PPP4R3B: variants seen among roughly 807,000 people sequenced by gnomAD.
PPP4R3B encodes the protein protein phosphatase 4 regulatory subunit 3B, also known as serine/threonine-protein phosphatase 4 regulatory subunit 3B.
PPP4R3B carries 52 observed loss-of-function variants against 95.4 expected under a neutral mutation model. That is an observed-to-expected ratio of 0.54 (90% CI 0.44 to 0.69). The LOEUF (loss-of-function observed/expected upper bound fraction) is 0.69. Among genes scored for constraint, PPP4R3B ranks in the 30% least tolerant of loss-of-function variants. The probability of loss-of-function intolerance (pLI) is 0.00; values close to 1 mark genes in which losing one functional copy is unlikely to be tolerated. For synonymous variants in PPP4R3B, 407 were observed against 343.9 expected (o/e 1.18, Z -2.03); for missense variants, 1,003 against 1,005.9 (o/e 1.00, Z 0.04).
At chr2:55,575,540 G>A (rs1018582520) in intron 11 of PPP4R3B, among the ~76,000 whole-genome samples, 17 of 151,962 alleles carry the variant, frequency 1.1e-4, no homozygotes, top group Admixed American at 1.0e-3. Context: ...CAACCTCCCA[G>A]ACTCAAGTGA....
intron 14 of PPP4R3B, among the ~76,000 whole-genome samples, 168 bp downstream of exon 14, chr2:55,564,734 A>C (rs1687067214): frequency 6.6e-6 from 1 of 152,180 alleles, no homozygotes; most frequent in African/African-American, 2.4e-5. Context: ...TAGTAATTCA[A>C]CATATAAATG....
intron 13 of PPP4R3B, chr2:55,565,767 A>G (rs567581355): frequency 1.5e-5 from 3 of 206,752 alleles, no homozygotes; most frequent in Non-Finnish European, 2.1e-5. Flanking sequence ...TCTGCCACAT[A>G]TATCATATAG....
chr2:55,564,485 T>C lies in PPP4R3B; in HGVS notation c.2088A>G (p.Ile696Met), dbSNP rs1276668001. The part of the protein sequence containing the change: ...QNQKLNSVPS[I>M]LRSNRFRRDA... ...CTCTGCGAAATCTGTTACTACGCAA[T>C]ATAGATGGTACACTGTAAGAAATAT... The change falls in exon 15 of 17, where the codon ATA becomes ATG. Residue 696 changes from isoleucine (I) to methionine (M), a missense_variant. Ile to Met is a conservative substitution (Grantham distance 10, BLOSUM62 1). Transcript: ENST00000616407. 2 of 1,608,164 alleles carry C rather than the reference T, an allele frequency of 1.2e-6. No homozygotes were observed. Among genetic ancestry groups the C allele is most frequent in the Non-Finnish European group, 1.7e-6 (2 of 1,178,320 alleles).
chr2:55,573,718 C>G lies in PPP4R3B; in HGVS notation c.1666G>C (p.Glu556Gln). The change falls in exon 12 of 17, where the codon GAA becomes CAA. Residue 556 changes from glutamate (E) to glutamine (Q), a missense_variant. Physicochemically the swap from Glu to Gln is conservative, Grantham distance 29. Coordinates refer to ENST00000616407, the MANE Select transcript of PPP4R3B (RefSeq NM_001122964.3). ...LILELLTFCV[E>Q]HHTYHIKNYI... is the part of the protein sequence containing the mutation. ...TTTTTTATGTGATATGTGTGATGTTCCACACAAAATGTGAGTAACTCTAAA... is the reference window on the plus strand; with the variant it reads ...TTTTTTATGTGATATGTGTGATGTTGCACACAAAATGTGAGTAACTCTAAA... 6.5e-7 allele frequency: 1 copy of G among 1,543,446 alleles called. No homozygotes were observed. Among genetic ancestry groups the G allele is most frequent in the African/African-American group, 1.4e-5 (1 of 72,634 alleles).
intron 4 of PPP4R3B, among the ~76,000 whole-genome samples, chr2:55,589,679 G>C (rs923012296): frequency 1.3e-5 from 2 of 151,924 alleles, no homozygotes; most frequent in Non-Finnish European, 2.9e-5. Flanking sequence ...ACTTTGGAAG[G>C]CCGAGGCGGG....
chr2:55,584,523 A>C (rs181708527), intron 7 of PPP4R3B, among the ~76,000 whole-genome samples: 1 of 152,192 alleles, frequency 6.6e-6, no homozygotes, highest in Non-Finnish European at 1.5e-5. Flanking sequence ...CAAGTCCCCA[A>C]AGTCCATTGT....
rs1558993740 is a variant in PPP4R3B, at chr2:55,581,676, A to T, written c.1256T>A (p.Val419Glu). Residue 419 changes from valine to glutamate, a missense_variant, in exon 8 of 17, where the codon GTA becomes GAA. By Grantham distance (121) the Val-to-Glu change is moderately radical. This residue lies in a region of PPP4R3B where 695 missense variants were observed against 686.2 expected (regional missense o/e 1.01). Transcript: ENST00000616407. ...SDDDILLINV[V>E]IEQMICDTDP... ...AGTATCACAGATCATTTGTTCAATT[A>T]CCACATTAATAAGAAGAATATCCTG... The T allele has an allele frequency of 6.2e-7, 1 of 1,613,170 alleles. No individual in the cohort carries two copies. The highest frequency in any genetic ancestry group is 1.7e-4 in the Middle Eastern group (1 of 6,058).
intron 14 of PPP4R3B, 139 bp from the exon 15 acceptor site, chr2:55,564,636 T>G (rs1427472634): frequency 1.2e-6 from 1 of 804,312 alleles, no homozygotes; most frequent in African/African-American, 1.8e-5. Flanking sequence ...ATCTCTGTAA[T>G]GATAGAAGAT....
intron 2 of PPP4R3B, among the ~76,000 whole-genome samples, chr2:55,604,990 C>G (rs1399658496): frequency 6.6e-6 from 1 of 152,014 alleles, no homozygotes; most frequent in Non-Finnish European, 1.5e-5. Context: ...CAGGTGCACA[C>G]ACCACGCCAC....
Position 55,589,967 on chromosome 2 carries a change from AT to A in PPP4R3B, c.922-1012del, listed in dbSNP as rs1381057033. ...AAAAAATATATATAATTATATATAT[AT>A]TTATATATATATTTAATATATTATA... On this transcript the variant is annotated intron_variant, in intron 4 of 16. Coordinates refer to ENST00000616407, the MANE Select transcript of PPP4R3B (RefSeq NM_001122964.3). Among the ~76,000 whole-genome samples the A allele has an allele frequency of 2.3e-3, 331 of 142,974 alleles. 2 individuals are homozygous for A. Among genetic ancestry groups the A allele is most frequent in the Admixed American group, 6.8e-3 (96 of 14,018 alleles). The allele number at this position is 142,974 out of a possible 152,430, so 93.8% of individuals were successfully genotyped here.
At chr2:55,612,067 T>C (rs75939117) in intron 2 of PPP4R3B, among the ~76,000 whole-genome samples, 3 of 152,150 alleles carry the variant, frequency 2.0e-5, no homozygotes, top group Admixed American at 6.6e-5. Flanking sequence ...AAATGGCCTA[T>C]AAACATCTCA....
At chr2:55,613,349 G>A (rs1694447907) in intron 2 of PPP4R3B, among the ~76,000 whole-genome samples, 1 of 138,340 alleles carries the variant, frequency 7.2e-6, no homozygotes. Flanking sequence ...TGAATGTTAT[G>A]TTGCCAAAAA....
At chr2:55,582,457 G>C (rs1689571814) in intron 7 of PPP4R3B, among the ~76,000 whole-genome samples, 2 of 152,068 alleles carry the variant, frequency 1.3e-5, no homozygotes, top group Admixed American at 1.3e-4. Context: ...CTGATTCTAA[G>C]CTGGCATCTC....
chr2:55,569,005 G>C (rs556792231), intron 12 of PPP4R3B, among the ~76,000 whole-genome samples: 1 of 152,264 alleles, frequency 6.6e-6, no homozygotes, highest in African/African-American at 2.4e-5. Flanking sequence ...AGTTATACTA[G>C]ATATAGATCT....
intron 14 of PPP4R3B, 94 bp from the exon 15 acceptor site, chr2:55,564,591 A>G: frequency 2.7e-6 from 3 of 1,117,180 alleles, no homozygotes; most frequent in South Asian, 3.4e-5. Context: ...GATGAACTGA[A>G]GTAATTTTAA....
chr2:55,570,871 G>A lies in PPP4R3B; in HGVS notation c.1766-2508C>T, dbSNP rs535711483. Reference sequence around the variant, plus strand: ...GGATAAGAAATGGTTTACTTAAGATGCAAAAGACTGAAGCACTGGCAAGTT... The same window carrying A: ...GGATAAGAAATGGTTTACTTAAGATACAAAAGACTGAAGCACTGGCAAGTT... On this transcript the variant is annotated intron_variant, in intron 12 of 16. Coordinates refer to ENST00000616407, the MANE Select transcript of PPP4R3B (RefSeq NM_001122964.3). Among the ~76,000 whole-genome samples, 313 of 152,282 alleles carry A rather than the reference G, an allele frequency of 2.1e-3. 2 individuals carry two copies. Among genetic ancestry groups the A allele is most frequent in the Non-Finnish European group, 3.5e-3 (235 of 68,032 alleles).
intron 5 of PPP4R3B, among the ~76,000 whole-genome samples, chr2:55,587,021 T>C (rs1346992210): frequency 2.6e-5 from 4 of 152,198 alleles, no homozygotes; most frequent in Non-Finnish European, 4.4e-5. Context: ...TCCTTTTTTT[T>C]CCAGTGAATG....
At chr2:55,564,858 G>C (rs918612562) in intron 14 of PPP4R3B, 44 bp downstream of exon 14, 8 of 1,577,722 alleles carry the variant, frequency 5.1e-6, no homozygotes, top group African/African-American at 4.1e-5. Flanking sequence ...AACAATTTTG[G>C]ACACAGTTTT....
intron 4 of PPP4R3B, chr2:55,591,488 A>G: frequency 1.0e-6 from 1 of 975,054 alleles, no homozygotes; most frequent in Non-Finnish European, 1.2e-6. Flanking sequence ...GGTTAGGGTG[A>G]GTAAGTACAT....
Sources: gnomAD v4.1 joint callset for allele counts (sites outside exome capture counted in the v4.1 genomes callset) on GRCh38, gnomAD v4.1.1 for gene constraint, gnomAD v4.1.1 regional missense constraint, MANE v1.5 for transcripts, NCBI Gene and HGNC (gene_info 2026-07-23, HGNC 2026-07-21) for gene names.